The following ADAP1 variants were observed in gnomAD, a reference collection of about 807,000 sequenced individuals.
The protein encoded by ADAP1 is ArfGAP with dual PH domains 1, also known as arf-GAP with dual PH domain-containing protein 1.
ADAP1 carries 31 observed loss-of-function variants against 54.9 expected under a neutral mutation model. The observed-to-expected ratio is 0.56, with a 90% confidence interval of 0.42 to 0.76. The LOEUF is 0.76. Ranked by LOEUF, ADAP1 falls within the 30% of genes least tolerant of loss-of-function variation. The pLI, the probability that ADAP1 is intolerant of heterozygous loss-of-function variation, is 0.00. For missense variants in ADAP1, 535 were observed against 512.4 expected, an observed-to-expected ratio of 1.04 and a Z score of -0.42; for synonymous variants, 313 against 202.6, an observed-to-expected ratio of 1.55 and a Z score of -4.63.
chr7:952,205 G>A (rs1476873645), intron 1 of ADAP1, among the ~76,000 whole-genome samples: 1 of 152,190 alleles, frequency 6.6e-6, no homozygotes, highest in Non-Finnish European at 1.5e-5. Flanking sequence ...CATGGGGAGA[G>A]TTTGGAAGGA....
chr7:904,373 G>C, intron 5 of ADAP1, 101 bp from the exon 6 acceptor site: 1 of 1,442,480 alleles, frequency 6.9e-7, no homozygotes, highest in South Asian at 1.4e-5. Flanking sequence ...CACCTGCTGT[G>C]CTGTGTGGCT....
chr7:936,120 C>A (rs1354337498), intron 1 of ADAP1, among the ~76,000 whole-genome samples: 3 of 152,192 alleles, frequency 2.0e-5, no homozygotes, highest in South Asian at 2.1e-4. Flanking sequence ...AGGGATTCCA[C>A]GTCTCGATGT....
chr7:905,314 G>GGGAGAGGGGACATGGGT lies in ADAP1; in HGVS notation c.389-143_389-142insACCCATGTCCCCTCTCC, dbSNP rs1845082859. ...GGACACGGACAGGGGGAGACGGACGGGGAGAGGGGACATGGAGGAGACAGG... is the reference window on the plus strand; with the variant it reads ...GGACACGGACAGGGGGAGACGGACGGGGAGAGGGGACATGGGTGGAGAGGGGACATGGAGGAGACAGG... On this transcript the variant is annotated intron_variant, in intron 4 of 10. Coordinates refer to ENST00000265846, the MANE Select transcript of ADAP1 (RefSeq NM_006869.4). The GGGAGAGGGGACATGGGT allele has an allele frequency of 1.6e-5, 7 of 433,236 alleles. 1 individual carries two copies. The highest frequency in any genetic ancestry group is 8.5e-5 in the South Asian group (4 of 47,020). 26.8% of individuals were successfully genotyped at this position (433,236 alleles called of 1,614,324 possible).
chr7:947,355 C>A (rs1334804851), intron 1 of ADAP1, among the ~76,000 whole-genome samples: 1 of 151,802 alleles, frequency 6.6e-6, no homozygotes, highest in East Asian at 1.9e-4. Context: ...CCGCGCCTGA[C>A]CTTGATTTTT....
chr7:908,070 C>T (rs964595544), intron 4 of ADAP1, among the ~76,000 whole-genome samples: 1 of 152,174 alleles, frequency 6.6e-6, no homozygotes, highest in Non-Finnish European at 1.5e-5. Context: ...GGACAGCATC[C>T]CATCCTGCTG....
chr7:933,220 G>A lies in ADAP1; in HGVS notation c.213+2155C>T, dbSNP rs368988156. Among the ~76,000 whole-genome samples the A allele has an allele frequency of 3.7e-3, 563 of 151,532 alleles. 3 individuals carry two copies. The highest frequency in any genetic ancestry group is 0.012 in the African/African-American group (502 of 41,364). Reference sequence around the variant, plus strand: ...CGGGAGGTGGAGCTTGCAGTGAGCCGAGATCATGCTACTGCACTCCAGCCT... The same window carrying A: ...CGGGAGGTGGAGCTTGCAGTGAGCCAAGATCATGCTACTGCACTCCAGCCT... On this transcript the variant is annotated intron_variant, in intron 2 of 10. Transcript: ENST00000265846.
At chr7:915,196 G>A (rs1269709431) in intron 4 of ADAP1, among the ~76,000 whole-genome samples, 2 of 151,624 alleles carry the variant, frequency 1.3e-5, no homozygotes, top group African/African-American at 4.8e-5. Flanking sequence ...CGGCACTCAC[G>A]GCACCTTCAC....
At chr7:943,299 GGAC>G (rs1847029066) in intron 1 of ADAP1, among the ~76,000 whole-genome samples, 1 of 19,094 alleles carries the variant, frequency 5.2e-5, no homozygotes, top group Non-Finnish European at 9.0e-5. Flanking sequence ...GGAGAGAGGA[GGAC>G]GAAGGGAGAG....
Position 926,630 on chromosome 7 carries a change from G to C in ADAP1, c.228C>G (p.His76Gln). The C allele has an allele frequency of 6.5e-7, 1 of 1,544,590 alleles. No individual in the cohort carries two copies. The highest frequency in any genetic ancestry group is 8.7e-7 in the Non-Finnish European group (1 of 1,144,550). Reference sequence around the variant, plus strand: ...ACCTGGCTCTCGCGGCGTCGTTCCCGTGGGAGGCCATGAACTGCAAGAGAG... The same window carrying C: ...ACCTGGCTCTCGCGGCGTCGTTCCCCTGGGAGGCCATGAACTGCAAGAGAG... ...EEAQVEFMAS[H>Q]GNDAARARFE... The change falls in exon 3 of 11, where the codon CAC (histidine) becomes CAG (glutamine). Residue 76 changes from histidine (H) to glutamine (Q), a missense_variant. Coordinates refer to ENST00000265846, the MANE Select transcript of ADAP1 (RefSeq NM_006869.4). The surrounding 1 kb of genome is among the most constrained non-coding windows in gnomAD (Gnocchi z 4.6).
chr7:904,856 G>A (rs1231298220), intron 5 of ADAP1, among the ~76,000 whole-genome samples: 2 of 152,222 alleles, frequency 1.3e-5, no homozygotes, highest in African/African-American at 2.4e-5. Context: ...CTCCTGGAAA[G>A]CCTCAGCTGC....
intron 1 of ADAP1, among the ~76,000 whole-genome samples, chr7:943,284 GGAAGGGAGAGAGGAGGAC>G (rs1562936503): frequency 1.7e-4 from 4 of 23,828 alleles, no homozygotes; most frequent in African/African-American, 6.8e-4. Context: ...GAGAGGAGGA[GGAAGGGAGAGAGGAGGAC>G]GAAGGGAGAG....
chr7:905,271 A>AG (rs1265707503), intron 4 of ADAP1, 99 bp from the exon 5 acceptor site: 4 of 337,174 alleles, frequency 1.2e-5, no homozygotes, highest in African/African-American at 9.1e-5. Context: ...GGGAGAAGAC[A>AG]CGGGGGACAC....
intron 4 of ADAP1, among the ~76,000 whole-genome samples, chr7:913,791 C>T (rs1384879533): frequency 1.3e-5 from 2 of 152,094 alleles, no homozygotes; most frequent in East Asian, 2.0e-4. Flanking sequence ...AAAAATTAGC[C>T]GGGCGTGGTG....
chr7:899,993 G>A (rs34786986), intron 8 of ADAP1, 109 bp downstream of exon 8: 300,349 of 1,319,176 alleles, frequency 0.23, 36,861 homozygotes, highest in Admixed American at 0.31. Flanking sequence ...GGACCCACCA[G>A]ACACCAGTTT....
chr7:922,100 C>G (rs531501165), intron 3 of ADAP1, among the ~76,000 whole-genome samples: 1 of 152,300 alleles, frequency 6.6e-6, no homozygotes, highest in Non-Finnish European at 1.5e-5. Flanking sequence ...CTCCTGAAAA[C>G]CAGTACTGCC....
chr7:911,307 CCACT>C (rs1486786094), intron 4 of ADAP1, among the ~76,000 whole-genome samples: 1 of 152,126 alleles, frequency 6.6e-6, no homozygotes, highest in East Asian at 1.9e-4. Flanking sequence ...AGAGACCCCC[CCACT>C]CACACACGGG....
intron 5 of ADAP1, among the ~76,000 whole-genome samples, chr7:904,535 C>A (rs1354443236): frequency 1.3e-5 from 2 of 152,128 alleles, no homozygotes; most frequent in African/African-American, 4.8e-5. Flanking sequence ...CCGGGGGCAG[C>A]CCCGGGCCCC....
In ADAP1 at chr7:898,621, C is replaced by G; in HGVS notation, c.*300G>C. The G allele has an allele frequency of 6.3e-6, 3 of 476,742 alleles. No homozygotes were observed. The highest frequency in any genetic ancestry group is 4.0e-5 in the East Asian group (1 of 25,166). 29.5% of individuals were successfully genotyped at this position (476,742 alleles called of 1,614,324 possible). A position where few individuals can be genotyped will look rare whatever the true frequency, so the allele number is the denominator to read the frequency against. ...GGCTCCTGGGGGCTGTGTCTGAGCT[C>G]GGGAGCCAGACTGGGCCCTGGAGGA... On this transcript the variant is annotated 3_prime_UTR_variant, in exon 11 of 11. Coordinates refer to ENST00000265846, the MANE Select transcript of ADAP1 (RefSeq NM_006869.4).
At chr7:900,681 G>A (rs570915041) in intron 6 of ADAP1, 65 bp from the exon 7 acceptor site, 30 of 1,438,074 alleles carry the variant, frequency 2.1e-5, no homozygotes, top group East Asian at 7.2e-5. Context: ...CCCACAGAGG[G>A]GCTGGGGTCC....
Sources: allele counts gnomAD v4.1 joint callset (sites outside exome capture counted in the v4.1 genomes callset), GRCh38; gene constraint gnomAD v4.1.1; non-coding constraint Gnocchi (gnomAD v3.1); transcripts MANE v1.5; gene names NCBI Gene and HGNC (gene_info 2026-07-23, HGNC 2026-07-21).